RTN1: variants seen among roughly 807,000 people sequenced by gnomAD.
RTN1 encodes reticulon-1.
Under a neutral mutation model 65.5 loss-of-function variants are expected in RTN1, and 25 were observed. The ratio of observed to expected loss-of-function variants is 0.38; its 90% CI spans 0.28 to 0.53. RTN1 has a LOEUF of 0.53. RTN1 is among the 20% of genes least tolerant of loss of function. RTN1 has a pLI of 0.79. For synonymous variants in RTN1, 471 were observed against 447.6 expected, an observed-to-expected ratio of 1.05 and a Z score of -0.66; for missense variants, 983 against 1,025.4, an observed-to-expected ratio of 0.96 and a Z score of 0.57.
At chr14:59,783,790 G>A (rs1285785595) in intron 1 of RTN1, among the ~76,000 whole-genome samples, 1 of 151,910 alleles carries the variant, frequency 6.6e-6, no homozygotes, top group Non-Finnish European at 1.5e-5. Flanking sequence ...CAAAAACAAT[G>A]AAGGGATGTT....
chr14:59,810,901 G>T (rs1052604416), intron 1 of RTN1, among the ~76,000 whole-genome samples: 5 of 152,170 alleles, frequency 3.3e-5, no homozygotes, highest in African/African-American at 1.2e-4. Context: ...GTAGAGGCCA[G>T]ATCCTAGAGA....
intron 3 of RTN1, among the ~76,000 whole-genome samples, chr14:59,673,634 A>G (rs1379910793): frequency 6.6e-6 from 1 of 152,164 alleles, no homozygotes; most frequent in Non-Finnish European, 1.5e-5. Context: ...TGATTGGTCC[A>G]TGGGTGGTCT....
intron 2 of RTN1, among the ~76,000 whole-genome samples, chr14:59,738,572 C>T (rs566665056): frequency 1.3e-5 from 2 of 152,310 alleles, no homozygotes; most frequent in South Asian, 4.1e-4. Context: ...ATTAGTTCAA[C>T]CATTGTGGAA....
intron 4 of RTN1, chr14:59,606,050 A>G (rs1186641729): frequency 6.7e-6 from 1 of 149,652 alleles, no homozygotes; most frequent in Non-Finnish European, 1.5e-5. Context: ...TTTAATAATG[A>G]CATTTTTCAT....
rs535179762 is a variant in RTN1 at position 59,727,584 on chromosome 14, G to A, written c.1100C>T (p.Ser367Leu). 1.7e-5 allele frequency: 28 copies of A among 1,612,644 alleles called. No individual in the cohort carries two copies. The East Asian group carries it at 5.6e-4, about 32-fold the overall frequency. Reference sequence around the variant, plus strand: ...CCGTGGGTTCTCGGCGGTTTCATACGATAATCCCTTTGCTTCTTTGATGGC... The same window carrying A: ...CCGTGGGTTCTCGGCGGTTTCATACAATAATCCCTTTGCTTCTTTGATGGC... ...ITAIKEAKGL[S>L]YETAENPRPV... Residue 367 changes from serine (S) to leucine (L), a missense_variant, in exon 3 of 9, where the codon TCG (serine) becomes TTG (leucine). This residue lies in a region of RTN1 where 818 missense variants were observed against 801.8 expected (regional missense o/e 1.02). Coordinates refer to ENST00000267484, the MANE Select transcript of RTN1 (RefSeq NM_021136.3). The surrounding 1 kb of genome is among the most constrained non-coding windows in gnomAD (Gnocchi z 4.2).
At position 59,727,002 on chromosome 14, in the gene RTN1, T is replaced by C. The variant is rs758358192; in HGVS notation, c.1682A>G (p.Asn561Ser). 3.7e-6 allele frequency: 6 copies of C among 1,613,388 alleles called. No homozygotes were observed. Among genetic ancestry groups the C allele is most frequent in the Non-Finnish European group, 2.5e-6 (3 of 1,179,728 alleles). The part of the protein sequence containing the change: ...PRKPEEDSSS[N>S]QSPAATKGPG... ...GCCCTTTGTGGCCGCAGGACTTTGG[T>C]TGGAACTCGAGTCTTCTTCAGGCTT... is the stretch of plus-strand genomic sequence containing the variant. Residue 561 changes from asparagine to serine, a missense_variant, in exon 3 of 9, where the codon AAC becomes AGC. Asn to Ser is a conservative substitution (Grantham distance 46). This residue lies in a region of RTN1 where 818 missense variants were observed against 801.8 expected (regional missense o/e 1.02). Coordinates refer to ENST00000267484, the MANE Select transcript of RTN1 (RefSeq NM_021136.3). The surrounding 1 kb of genome is among the most constrained non-coding windows in gnomAD (Gnocchi z 4.2).
intron 1 of RTN1, among the ~76,000 whole-genome samples, chr14:59,850,015 C>T (rs1477542180): frequency 6.6e-6 from 1 of 152,168 alleles, no homozygotes; most frequent in Non-Finnish European, 1.5e-5. Context: ...TCACCGCCAC[C>T]TCTTCCCAGC....
rs113697863 is a variant in RTN1, at chr14:59,771,044, C to CAAA, written c.242-24566_242-24564dup. On this transcript the variant is annotated intron_variant, in intron 1 of 8. Transcript: ENST00000267484. Reference sequence around the variant, plus strand: ...TGGGCGACAGAGTGAGACTCCGTCTCAAAAAAAAAAAAAAAATTCTGTAAT... The same window carrying CAAA: ...TGGGCGACAGAGTGAGACTCCGTCTCAAAAAAAAAAAAAAAAAAATTCTGTAAT... 1.8e-4 allele frequency among the ~76,000 whole-genome samples: 21 copies of CAAA among 115,214 alleles called. No individual in the cohort carries two copies. The East Asian group carries it at 4.6e-3, about 25-fold the overall frequency. The allele number at this position is 115,214 out of a possible 152,430, so 75.6% of individuals were successfully genotyped here.
At chr14:59,703,210 T>C (rs1318113881) in intron 3 of RTN1, among the ~76,000 whole-genome samples, 2 of 152,222 alleles carry the variant, frequency 1.3e-5, no homozygotes, top group African/African-American at 4.8e-5. Flanking sequence ...TTTGCATATA[T>C]ATTATATGAT....
At chr14:59,801,008 G>A (rs747486242) in intron 1 of RTN1, among the ~76,000 whole-genome samples, 2 of 151,816 alleles carry the variant, frequency 1.3e-5, no homozygotes, top group Non-Finnish European at 2.9e-5. Context: ...AAGAATCAGT[G>A]AACTAAAAGA....
At chr14:59,723,548 C>T (rs1566698939) in intron 3 of RTN1, among the ~76,000 whole-genome samples, 1 of 152,040 alleles carries the variant, frequency 6.6e-6, no homozygotes, top group East Asian at 1.9e-4. Context: ...ACCTGGGAGG[C>T]GGAGCTTGCA....
chr14:59,607,638 GC>G (rs1479280380), intron 3 of RTN1, 146 bp from the exon 4 acceptor site: 1 of 677,078 alleles, frequency 1.5e-6, no homozygotes, highest in East Asian at 2.7e-5. Flanking sequence ...AGATGGCTGT[GC>G]CAAGGGCACT....
At chr14:59,832,194 T>G (rs56812832) in intron 1 of RTN1, among the ~76,000 whole-genome samples, 1 of 152,238 alleles carries the variant, frequency 6.6e-6, no homozygotes. Flanking sequence ...CAGATCCTTG[T>G]ACCTGTGGGA....
chr14:59,752,047 C>A (rs1282653071), intron 1 of RTN1, among the ~76,000 whole-genome samples: 21 of 152,116 alleles, frequency 1.4e-4, no homozygotes. Context: ...TATAAACTAC[C>A]CAACACTTCT....
At chr14:59,726,067 A>G (rs1485381471) in intron 3 of RTN1, among the ~76,000 whole-genome samples, 1 of 152,222 alleles carries the variant, frequency 6.6e-6, no homozygotes, top group African/African-American at 2.4e-5. Flanking sequence ...ATTAACAAAA[A>G]TAGAATGAGC....
intron 3 of RTN1, among the ~76,000 whole-genome samples, chr14:59,674,244 A>G (rs761538886): frequency 3.3e-4 from 51 of 152,240 alleles, no homozygotes; most frequent in Non-Finnish European, 3.8e-4. Flanking sequence ...TAGGCCAGAT[A>G]GCTACCGATA....
chr14:59,757,394 G>T (rs1357480378), intron 1 of RTN1, among the ~76,000 whole-genome samples: 1 of 152,098 alleles, frequency 6.6e-6, no homozygotes, highest in Non-Finnish European at 1.5e-5. Flanking sequence ...TTTATAATGG[G>T]AAACCCCTTT....
At chr14:59,840,551 A>T (rs1887292466) in intron 1 of RTN1, among the ~76,000 whole-genome samples, 1 of 152,228 alleles carries the variant, frequency 6.6e-6, no homozygotes, top group African/African-American at 2.4e-5. Context: ...ATGTGGTCTG[A>T]AAAGCACTTA....
At chr14:59,702,263 A>G (rs970991041) in intron 3 of RTN1, among the ~76,000 whole-genome samples, 1 of 152,226 alleles carries the variant, frequency 6.6e-6, no homozygotes, top group Non-Finnish European at 1.5e-5. Context: ...ACTCCCTGTG[A>G]ATACACTGTA....
Sources: allele counts gnomAD v4.1 joint callset (sites outside exome capture counted in the v4.1 genomes callset), GRCh38; gene constraint gnomAD v4.1.1; regional missense constraint gnomAD v4.1.1; non-coding constraint Gnocchi (gnomAD v3.1); transcripts MANE v1.5; gene names NCBI Gene and HGNC (gene_info 2026-07-23, HGNC 2026-07-21).